The following GFRA1 variants were observed in gnomAD, a reference collection of about 807,000 sequenced individuals.
GFRA1 encodes the protein GDNF family receptor alpha-1.
Under a neutral mutation model 51.6 loss-of-function variants are expected in GFRA1, and 16 were observed. The ratio of observed to expected loss-of-function variants is 0.31; its 90% CI spans 0.21 to 0.47. The LOEUF is 0.47. GFRA1 is among the 20% of genes least tolerant of loss of function. GFRA1 has a pLI of 1.00. For missense variants in GFRA1, 530 were observed against 594.3 expected (o/e 0.89, Z 1.13); for synonymous variants, 270 against 241.3 (o/e 1.12, Z -1.10).
At chr10:116,194,167 T>C (rs1963534896) in intron 5 of GFRA1, among the ~76,000 whole-genome samples, 1 of 152,090 alleles carries the variant, frequency 6.6e-6, no homozygotes. Flanking sequence ...ACCTGCTGAA[T>C]ATGCAGAAAG....
chr10:116,111,726 C>G (rs556062682), intron 6 of GFRA1, among the ~76,000 whole-genome samples: 5 of 152,290 alleles, frequency 3.3e-5, no homozygotes, highest in South Asian at 2.1e-4. Context: ...TAAGCCCAGA[C>G]CAGCAGCAGC....
At chr10:116,074,952 C>T (rs894133335) in intron 9 of GFRA1, among the ~76,000 whole-genome samples, 1 of 152,168 alleles carries the variant, frequency 6.6e-6, no homozygotes, top group East Asian at 1.9e-4. Flanking sequence ...GAGGTATTCT[C>T]ACAGGTTACC....
At chr10:116,156,386 T>C (rs751313341) in intron 5 of GFRA1, among the ~76,000 whole-genome samples, 5 of 152,198 alleles carry the variant, frequency 3.3e-5, no homozygotes, top group Non-Finnish European at 4.4e-5. Context: ...GCATGTTTCA[T>C]TCAGGGCACA....
intron 5 of GFRA1, among the ~76,000 whole-genome samples, chr10:116,162,607 T>C (rs1008991778): frequency 1.3e-5 from 2 of 152,228 alleles, no homozygotes; most frequent in African/African-American, 4.8e-5. Flanking sequence ...ACTTGGACAC[T>C]GTACTTAATG....
At chr10:116,181,782 C>T (rs987790714) in intron 5 of GFRA1, among the ~76,000 whole-genome samples, 1 of 152,076 alleles carries the variant, frequency 6.6e-6, no homozygotes, top group Non-Finnish European at 1.5e-5. Context: ...GGACTACAGG[C>T]GCCCGCGCCC....
chr10:116,093,368 CG>C (rs1280581431), intron 8 of GFRA1, among the ~76,000 whole-genome samples: 1 of 152,180 alleles, frequency 6.6e-6, no homozygotes, highest in Non-Finnish European at 1.5e-5. Flanking sequence ...ATTTGATCTG[CG>C]GGTAGAAGCG....
chr10:116,225,989 G>T lies in GFRA1; in HGVS notation c.419-14344C>A, dbSNP rs61866397. 7.3e-3 allele frequency among the ~76,000 whole-genome samples: 1,109 copies of T among 152,220 alleles called. 9 individuals carry two copies. The highest frequency in any genetic ancestry group is 0.025 in the African/African-American group (1,047 of 41,492). ...CAATTACAGATGTGGCTCATATTAT[G>T]TTTCTATTGGACAGTGCTGGTCTAG... On this transcript the variant is annotated intron_variant, in intron 4 of 10. Transcript: ENST00000355422.
chr10:116,205,440 C>A (rs1353696045), intron 5 of GFRA1, among the ~76,000 whole-genome samples: 1 of 151,604 alleles, frequency 6.6e-6, no homozygotes, highest in South Asian at 2.1e-4. Flanking sequence ...CTGGGCGTAG[C>A]GGCACGTGCC....
intron 4 of GFRA1, among the ~76,000 whole-genome samples, chr10:116,246,680 A>C (rs1424252071): frequency 2.6e-5 from 4 of 152,266 alleles, no homozygotes; most frequent in Non-Finnish European, 5.9e-5. Flanking sequence ...TTATTAAAAT[A>C]GTAAATTAAA....
intron 4 of GFRA1, among the ~76,000 whole-genome samples, chr10:116,239,759 T>C (rs1967200058): frequency 6.6e-6 from 1 of 152,214 alleles, no homozygotes; most frequent in African/African-American, 2.4e-5. Flanking sequence ...CTGATCTTCA[T>C]CAAAAGATAA....
At chr10:116,146,979 G>A (rs895925373) in intron 5 of GFRA1, among the ~76,000 whole-genome samples, 4 of 151,888 alleles carry the variant, frequency 2.6e-5, no homozygotes, top group Admixed American at 2.6e-4. Flanking sequence ...ACACCCCTGG[G>A]GATCATGGGA....
intron 5 of GFRA1, among the ~76,000 whole-genome samples, chr10:116,196,830 T>C (rs926073227): frequency 2.0e-5 from 2 of 102,398 alleles, no homozygotes; most frequent in Non-Finnish European, 4.1e-5. Flanking sequence ...AAAATACTTA[T>C]AAATATATAT....
chr10:116,204,507 T>C lies in GFRA1; in HGVS notation c.433+7124A>G, dbSNP rs534987559. ...GAACCAGGACTCCTTGGAGAAGTGA[T>C]TGTACAATCCTATTGATTGTGGGAT... is the stretch of plus-strand genomic sequence containing the variant. On this transcript the variant is annotated intron_variant, in intron 5 of 10. Transcript: ENST00000355422. Among the ~76,000 whole-genome samples the C allele has an allele frequency of 2.3e-4, 35 of 152,294 alleles. 1 individual carries two copies. The highest frequency in any genetic ancestry group is 2.1e-3 in the Admixed American group (32 of 15,302).
At chr10:116,234,735 C>T (rs576884649) in intron 4 of GFRA1, among the ~76,000 whole-genome samples, 44 of 152,312 alleles carry the variant, frequency 2.9e-4, no homozygotes, top group African/African-American at 9.6e-4. Flanking sequence ...AGAACTGGGA[C>T]ACTCTCAATA....
intron 6 of GFRA1, among the ~76,000 whole-genome samples, chr10:116,124,457 C>T (rs1957771285): frequency 6.6e-6 from 1 of 152,022 alleles, no homozygotes; most frequent in Non-Finnish European, 1.5e-5. Context: ...TCTCAAACTC[C>T]TGACCTCAGG....
chr10:116,154,834 C>T (rs893287665), intron 5 of GFRA1, among the ~76,000 whole-genome samples: 1 of 152,150 alleles, frequency 6.6e-6, no homozygotes, highest in African/African-American at 2.4e-5. Context: ...GACCAGGTCC[C>T]GGCCAGAGTG....
chr10:116,255,979 T>A (rs962003828), intron 4 of GFRA1, among the ~76,000 whole-genome samples: 1 of 152,092 alleles, frequency 6.6e-6, no homozygotes, highest in African/African-American at 2.4e-5. Context: ...GCTAATATAT[T>A]GAGGGAGGAG....
chr10:116,122,432 T>C (rs1242576406), intron 6 of GFRA1, among the ~76,000 whole-genome samples: 1 of 152,124 alleles, frequency 6.6e-6, no homozygotes, highest in Non-Finnish European at 1.5e-5. Flanking sequence ...TCACAAACAG[T>C]TCCTGAAACT....
Position 116,272,249 on chromosome 10 carries a change from C to A in GFRA1, c.-220G>T. 1.6e-6 allele frequency: 1 copy of A among 608,538 alleles called. No homozygotes were observed. Among genetic ancestry groups the A allele is most frequent in the African/African-American group, 1.8e-5 (1 of 54,098 alleles). 37.7% of individuals were successfully genotyped at this position (608,538 alleles called of 1,614,324 possible). ...ATGGCGAGGGCGGGAGGCGGTTCCG[C>A]TTTTAGGGGTTCAGGTCCGACCCAA... is the stretch of plus-strand genomic sequence containing the variant. On this transcript the variant is annotated 5_prime_UTR_variant, in exon 2 of 11. Transcript: ENST00000355422. The surrounding 1 kb of genome is among the most constrained non-coding windows in gnomAD (Gnocchi z 4.4).
Sources: allele counts gnomAD v4.1 joint callset (sites outside exome capture counted in the v4.1 genomes callset), GRCh38; gene constraint gnomAD v4.1.1; non-coding constraint Gnocchi (gnomAD v3.1); transcripts MANE v1.5; gene names NCBI Gene and HGNC (gene_info 2026-07-23, HGNC 2026-07-21).